Variants in NCKAP5 observed in about 807,000 individuals in gnomAD.
NCKAP5 encodes NCK associated protein 5.
A neutral mutation model predicts 167.0 loss-of-function variants in NCKAP5; 92 were observed. That is an observed-to-expected ratio of 0.55 (90% CI 0.47 to 0.66). The LOEUF is 0.66. NCKAP5 is among the 30% of genes least tolerant of loss of function. The pLI is 0.00. For synonymous variants in NCKAP5, 891 were observed against 877.4 expected (o/e 1.02, Z -0.27); for missense variants, 2,378 against 2,315.0 (o/e 1.03, Z -0.56).
intron 6 of NCKAP5, among the ~76,000 whole-genome samples, chr2:133,120,506 T>TCTGCCC (rs2149756874): frequency 1.3e-5 from 2 of 152,340 alleles, no homozygotes; most frequent in African/African-American, 4.8e-5. Context: ...TGCCTCTGCC[T>TCTGCCC]CTGCCCCATA....
intron 12 of NCKAP5, among the ~76,000 whole-genome samples, chr2:132,791,488 T>C (rs984684360): frequency 1.3e-5 from 2 of 152,226 alleles, no homozygotes; most frequent in African/African-American, 2.4e-5. Flanking sequence ...GTGTAACAGA[T>C]GAAGCTCTAC....
the NCKAP5 span, among the ~76,000 whole-genome samples, chr2:133,588,493 C>T: frequency 6.7e-6 from 1 of 149,752 alleles, no homozygotes; most frequent in African/African-American, 2.5e-5. Context: ...CTCCCTCCCT[C>T]TCTTCCTACC....
intron 16 of NCKAP5, among the ~76,000 whole-genome samples, chr2:132,736,989 G>T (rs537756462): frequency 2.6e-5 from 4 of 152,132 alleles, no homozygotes; most frequent in African/African-American, 2.4e-5. Flanking sequence ...TGTTCCCATT[G>T]TTCCATGTGC....
chr2:133,481,921 T>A, intron 3 of NCKAP5, among the ~76,000 whole-genome samples: 1 of 152,192 alleles, frequency 6.6e-6, no homozygotes, highest in East Asian at 1.9e-4. Context: ...AAACATTGAA[T>A]TATACCTTCA....
At chr2:133,547,171 G>T (rs977669162) in intron 2 of NCKAP5, among the ~76,000 whole-genome samples, 1 of 152,174 alleles carries the variant, frequency 6.6e-6, no homozygotes, top group Non-Finnish European at 1.5e-5. Context: ...TATTCGGACC[G>T]GCTTAAAAAA....
At chr2:133,192,965 C>T (rs1418231136) in intron 5 of NCKAP5, among the ~76,000 whole-genome samples, 1 of 151,998 alleles carries the variant, frequency 6.6e-6, no homozygotes, top group East Asian at 1.9e-4. Context: ...CAGTTTTATT[C>T]ATAAATAAAG....
At chr2:133,288,482 G>A (rs1679325268) in intron 4 of NCKAP5, among the ~76,000 whole-genome samples, 1 of 152,126 alleles carries the variant, frequency 6.6e-6, no homozygotes, top group Non-Finnish European at 1.5e-5. Flanking sequence ...AGAGAATATT[G>A]AAGAGACAGC....
intron 2 of NCKAP5, among the ~76,000 whole-genome samples, chr2:133,548,813 A>G (rs1031208892): frequency 1.4e-4 from 18 of 131,130 alleles, no homozygotes; most frequent in African/African-American, 3.7e-4. Context: ...GGAAGAAACT[A>G]CATCAACTAA....
intron 3 of NCKAP5, among the ~76,000 whole-genome samples, chr2:133,305,235 A>C (rs1224577978): frequency 1.3e-5 from 2 of 152,138 alleles, no homozygotes; most frequent in Non-Finnish European, 2.9e-5. Flanking sequence ...GTTGAAGCTG[A>C]AAGGTGTAGT....
intron 6 of NCKAP5, among the ~76,000 whole-genome samples, chr2:133,065,974 T>G (rs1411871849): frequency 6.6e-6 from 1 of 152,230 alleles, no homozygotes; most frequent in Admixed American, 6.5e-5. Context: ...GCTAATTCTA[T>G]TCATCACTAA....
chr2:133,654,377 C>CAAATAAAG, the NCKAP5 span, among the ~76,000 whole-genome samples: 1 of 146,682 alleles, frequency 6.8e-6, no homozygotes, highest in African/African-American at 2.6e-5. Flanking sequence ...GACTCTATCT[C>CAAATAAAG]AAATAAATAA....
chr2:133,618,768 C>T, the NCKAP5 span, among the ~76,000 whole-genome samples: 2 of 147,608 alleles, frequency 1.4e-5, no homozygotes, highest in South Asian at 4.4e-4. Context: ...GGATCTAGAA[C>T]TGGAAATACC....
chr2:133,554,568 T>A (rs1452976562), intron 2 of NCKAP5: 1 of 152,206 alleles, frequency 6.6e-6, no homozygotes, highest in Non-Finnish European at 1.5e-5. Flanking sequence ...TACTGACTTA[T>A]ACAATATATT....
chr2:133,115,714 A>T (rs2082049879), intron 6 of NCKAP5, among the ~76,000 whole-genome samples: 1 of 148,120 alleles, frequency 6.8e-6, no homozygotes, highest in Non-Finnish European at 1.5e-5. Flanking sequence ...ATGTGTGTGG[A>T]CATACACACA....
intron 5 of NCKAP5, among the ~76,000 whole-genome samples, chr2:133,143,594 A>G (rs1313575037): frequency 1.3e-5 from 2 of 152,178 alleles, no homozygotes; most frequent in East Asian, 3.8e-4. Flanking sequence ...TGTATGTACA[A>G]TTAAAGTGCA....
rs956565586 is a variant in NCKAP5, at chr2:132,725,763, A to C, written c.5581-4T>G. On this transcript the variant is annotated splice_polypyrimidine_tract_variant and splice_region_variant and intron_variant, in intron 18 of 19. Transcript: ENST00000409261. ...TACACATTCTGGGTGCCTTGTCCTA[A>C]ATGAGTAATATGAGACTGTTAAGAT... The C allele has an allele frequency of 8.1e-6, 13 of 1,612,590 alleles. No individual in the cohort carries two copies. The highest frequency in any genetic ancestry group is 1.0e-5 in the Non-Finnish European group (12 of 1,179,520).
chr2:132,686,848 T>C (rs1368732228), intron 19 of NCKAP5, among the ~76,000 whole-genome samples: 1 of 152,146 alleles, frequency 6.6e-6, no homozygotes, highest in Non-Finnish European at 1.5e-5. Flanking sequence ...AACAGGAAAA[T>C]AGACTTTGTT....
intron 3 of NCKAP5, among the ~76,000 whole-genome samples, chr2:133,376,205 A>G (rs541277631): frequency 1.3e-5 from 2 of 152,354 alleles, no homozygotes; most frequent in South Asian, 2.1e-4. Context: ...TCTCAAATTG[A>G]GAATATTCAA....
At chr2:132,676,113 C>T (rs561536078) in intron 19 of NCKAP5, among the ~76,000 whole-genome samples, 11 of 151,884 alleles carry the variant, frequency 7.2e-5, no homozygotes, top group East Asian at 5.8e-4. Flanking sequence ...GCAGATCTTT[C>T]GATTTCAAAG....
Sources: allele counts gnomAD v4.1 joint callset (sites outside exome capture counted in the v4.1 genomes callset), GRCh38; gene constraint gnomAD v4.1.1; transcripts MANE v1.5; gene names NCBI Gene and HGNC (gene_info 2026-07-23, HGNC 2026-07-21).